The following PRKAR2A variants were observed in gnomAD, a reference collection of about 807,000 sequenced individuals.
The protein encoded by PRKAR2A is protein kinase cAMP-dependent type II regulatory subunit alpha.
PRKAR2A carries 29 observed loss-of-function variants against 51.9 expected under a neutral mutation model. The ratio of observed to expected loss-of-function variants is 0.56; its 90% CI spans 0.42 to 0.76. The LOEUF (loss-of-function observed/expected upper bound fraction) is 0.76, where lower values mean the gene tolerates loss of function less well. Among genes scored for constraint, PRKAR2A ranks in the 30% least tolerant of loss-of-function variants. The pLI, the probability that PRKAR2A is intolerant of heterozygous loss-of-function variation, is 0.00. For synonymous variants in PRKAR2A, 178 were observed against 186.2 expected (o/e 0.96, Z 0.36); for missense variants, 445 against 512.1 (o/e 0.87, Z 1.26).
chr3:48,770,674 C>T (rs960650656), intron 6 of PRKAR2A, among the ~76,000 whole-genome samples: 2 of 152,014 alleles, frequency 1.3e-5, no homozygotes, highest in Non-Finnish European at 2.9e-5. Flanking sequence ...GAAATGACTG[C>T]CAAAGGCAAG....
intron 1 of PRKAR2A, among the ~76,000 whole-genome samples, chr3:48,823,786 CAAA>C (rs911139872): frequency 9.4e-5 from 6 of 63,898 alleles, no homozygotes; most frequent in Non-Finnish European, 6.5e-5. Flanking sequence ...ACCCCGTCTC[CAAA>C]AAAAAAAAAA....
Position 48,751,682 on chromosome 3 carries a change from G to A in PRKAR2A, c.1118C>T (p.Pro373Leu), listed in dbSNP as rs375432861. 1 of 1,613,550 alleles carries A rather than the reference G, an allele frequency of 6.2e-7. No homozygotes were observed. The highest frequency in any genetic ancestry group is 1.3e-5 in the African/African-American group (1 of 74,898). The change falls in exon 11 of 11, where the codon CCC becomes CTC. Residue 373 changes from proline (P) to leucine (L), a missense_variant. By Grantham distance (98) the Pro-to-Leu change is moderately conservative. Coordinates refer to ENST00000265563, the MANE Select transcript of PRKAR2A (RefSeq NM_004157.4). ...DVQAFERLLG[P>L]CMDIMKRNIS... ...GTTCCTCTTCATGATGTCCATGCAG[G>A]GCCCCAGAAGCCTCTCGAATGCTTG...
chr3:48,820,973 C>T (rs1029612979), intron 1 of PRKAR2A, among the ~76,000 whole-genome samples: 3 of 152,152 alleles, frequency 2.0e-5, no homozygotes, highest in Non-Finnish European at 2.9e-5. Flanking sequence ...CTTCACAGTT[C>T]CTGTTACTCC....
rs1392241625 is a variant in PRKAR2A at position 48,748,926 on chromosome 3, TC to T, written c.*2658del. ...GCTACAGAGGGCAGTCTGAAAAGAG[TC>T]CTTCTGCTTTCGCTTCCTGGAGCTT... On this transcript the variant is annotated 3_prime_UTR_variant, in exon 11 of 11. Transcript: ENST00000265563. 6.6e-6 allele frequency: 1 copy of T among 152,034 alleles called. No homozygotes were observed. Among genetic ancestry groups the T allele is most frequent in the Non-Finnish European group, 1.5e-5 (1 of 68,018 alleles). The allele number at this position is 152,034 out of a possible 1,614,324, so 9.4% of individuals were successfully genotyped here.
chr3:48,750,940 G>GGCAC lies in PRKAR2A; in HGVS notation c.*644_*645insGTGC. 1 of 179,378 alleles carries GGCAC rather than the reference G, an allele frequency of 5.6e-6. No homozygotes were observed. Among genetic ancestry groups the GGCAC allele is most frequent in the Non-Finnish European group, 1.2e-5 (1 of 84,538 alleles). The allele number at this position is 179,378 out of a possible 1,614,324, so 11.1% of individuals were successfully genotyped here. ...ACCTATCAGTCTGCTCTGGGGTGCTGACCTGCTGGGTCCTGAGCAGGGTCT... is the reference window on the plus strand; with the variant it reads ...ACCTATCAGTCTGCTCTGGGGTGCTGGCACACCTGCTGGGTCCTGAGCAGGGTCT... On this transcript the variant is annotated 3_prime_UTR_variant, in exon 11 of 11. Transcript: ENST00000265563.
rs1399130130 is a variant in PRKAR2A at position 48,750,756 on chromosome 3, T to C, written c.*829A>G. 3 of 153,126 alleles carry C rather than the reference T, an allele frequency of 2.0e-5. No homozygotes were observed. Among genetic ancestry groups the C allele is most frequent in the Admixed American group, 6.5e-5 (1 of 15,352 alleles). The allele number at this position is 153,126 out of a possible 1,614,324, so 9.5% of individuals were successfully genotyped here. The stretch of plus-strand genomic sequence containing the variant: ...CAGACCCTGGCTCCTTATAAATGTA[T>C]AGCAATTCATTCATACAAACTGCAC... On this transcript the variant is annotated 3_prime_UTR_variant, in exon 11 of 11. Transcript: ENST00000265563.
chr3:48,800,839 T>C (rs1320571541), intron 2 of PRKAR2A, among the ~76,000 whole-genome samples: 1 of 150,646 alleles, frequency 6.6e-6, no homozygotes, highest in Admixed American at 6.6e-5. Context: ...CACCCAGCTA[T>C]TTTTTTTGTA....
intron 2 of PRKAR2A, among the ~76,000 whole-genome samples, chr3:48,799,615 G>C (rs1263514837): frequency 6.6e-6 from 1 of 152,152 alleles, no homozygotes; most frequent in Non-Finnish European, 1.5e-5. Context: ...TATATAGTAA[G>C]CACATAAGCC....
At chr3:48,764,869 C>A (rs1038711671) in intron 8 of PRKAR2A, 135 bp downstream of exon 8, 17 of 693,418 alleles carry the variant, frequency 2.5e-5, no homozygotes, top group Admixed American at 5.5e-5. Context: ...AAGTGATCCA[C>A]CTGCCTCAGC....
Position 48,782,896 on chromosome 3 carries a change from T to C in PRKAR2A, c.542+90A>G, listed in dbSNP as rs2082223663. 3.1e-6 allele frequency: 3 copies of C among 953,450 alleles called. No individual in the cohort carries two copies. In the South Asian group the frequency reaches 4.2e-5, roughly 13 times the overall value. 59.1% of individuals were successfully genotyped at this position (953,450 alleles called of 1,614,324 possible). On this transcript the variant is annotated intron_variant, in intron 5 of 10. Transcript: ENST00000265563. ...TTGTTCACCTGGCCCTTAGCCTCTCTGGGCTGAATACAGAATAGGATAAAG... is the reference window on the plus strand; with the variant it reads ...TTGTTCACCTGGCCCTTAGCCTCTCCGGGCTGAATACAGAATAGGATAAAG...
intron 8 of PRKAR2A, 107 bp from the exon 9 acceptor site, chr3:48,756,551 A>G: frequency 1.2e-6 from 1 of 834,122 alleles, no homozygotes; most frequent in African/African-American, 1.7e-5. Context: ...TTATTTTTTA[A>G]CTCTGCAAAT....
At chr3:48,783,951 A>T (rs1182133711) in intron 4 of PRKAR2A, among the ~76,000 whole-genome samples, 1 of 151,984 alleles carries the variant, frequency 6.6e-6, no homozygotes, top group Admixed American at 6.6e-5. Flanking sequence ...TGACCAAAGG[A>T]AAAAAACCTA....
At chr3:48,822,280 C>T (rs1164322816) in intron 1 of PRKAR2A, among the ~76,000 whole-genome samples, 1 of 150,746 alleles carries the variant, frequency 6.6e-6, no homozygotes, top group Non-Finnish European at 1.5e-5. Flanking sequence ...CAGTTCTTCA[C>T]ACAGCTTGCA....
chr3:48,752,156 G>A lies in PRKAR2A; in HGVS notation c.1081+20C>T. On this transcript the variant is annotated intron_variant, in intron 10 of 10. Coordinates refer to ENST00000265563, the MANE Select transcript of PRKAR2A (RefSeq NM_004157.4). Reference sequence around the variant, plus strand: ...TACATGTTAGAAAAAGAATATTAATGCATAAAGAACTTTTCTTACCTAAGC... The same window carrying A: ...TACATGTTAGAAAAAGAATATTAATACATAAAGAACTTTTCTTACCTAAGC... 2.5e-6 allele frequency: 4 copies of A among 1,596,174 alleles called. No homozygotes were observed. Among genetic ancestry groups the A allele is most frequent in the Non-Finnish European group, 2.6e-6 (3 of 1,175,112 alleles).
At chr3:48,768,470 G>C (rs2081975613) in intron 6 of PRKAR2A, among the ~76,000 whole-genome samples, 1 of 151,816 alleles carries the variant, frequency 6.6e-6, no homozygotes, top group African/African-American at 2.4e-5. Flanking sequence ...GGCCAAAGTG[G>C]GTGGATCACT....
At chr3:48,775,969 G>C (rs985528532) in intron 5 of PRKAR2A, among the ~76,000 whole-genome samples, 1 of 151,890 alleles carries the variant, frequency 6.6e-6, no homozygotes, top group Non-Finnish European at 1.5e-5. Context: ...TTAGCTGGGC[G>C]GGTGGCAGGT....
At chr3:48,798,382 G>A (rs903953930) in intron 2 of PRKAR2A, among the ~76,000 whole-genome samples, 17 of 152,154 alleles carry the variant, frequency 1.1e-4, no homozygotes, top group African/African-American at 3.9e-4. Flanking sequence ...CTGTGCTCTT[G>A]ATTAATGCCA....
intron 1 of PRKAR2A, among the ~76,000 whole-genome samples, chr3:48,826,378 T>C (rs535457585): frequency 6.6e-6 from 1 of 152,264 alleles, no homozygotes; most frequent in African/African-American, 2.4e-5. Context: ...GGATACAAAT[T>C]TGGGCCAGTG....
intron 1 of PRKAR2A, among the ~76,000 whole-genome samples, chr3:48,815,647 C>G (rs914782359): frequency 1.3e-5 from 2 of 148,458 alleles, no homozygotes; most frequent in African/African-American, 5.0e-5. Context: ...AAGCCGAGAT[C>G]GCGCCACTGC....
Sources: allele counts gnomAD v4.1 joint callset (sites outside exome capture counted in the v4.1 genomes callset), GRCh38; gene constraint gnomAD v4.1.1; transcripts MANE v1.5; gene names NCBI Gene and HGNC (gene_info 2026-07-23, HGNC 2026-07-21).